PTPN21: variants seen among roughly 807,000 people sequenced by gnomAD.
PTPN21 encodes protein tyrosine phosphatase non-receptor type 21.
Under a neutral mutation model 131.8 loss-of-function variants are expected in PTPN21, and 77 were observed. That is an observed-to-expected ratio of 0.58 (90% CI 0.49 to 0.71). The LOEUF (loss-of-function observed/expected upper bound fraction) is 0.71. Ranked by LOEUF, PTPN21 falls within the 30% of genes least tolerant of loss-of-function variation. PTPN21 has a pLI of 0.00. For missense variants in PTPN21, 1,552 were observed against 1,527.1 expected, an observed-to-expected ratio of 1.02 and a Z score of -0.27; for synonymous variants, 715 against 621.3, an observed-to-expected ratio of 1.15 and a Z score of -2.24.
intron 2 of PTPN21, chr14:88,547,770 A>C (rs1754438493): frequency 2.3e-6 from 1 of 427,972 alleles, no homozygotes; most frequent in Non-Finnish European, 4.7e-6. Flanking sequence ...CCCCTCCTCT[A>C]ATCTACCATG....
At chr14:88,526,928 T>A (rs1429440081) in intron 2 of PTPN21, among the ~76,000 whole-genome samples, 1 of 152,220 alleles carries the variant, frequency 6.6e-6, no homozygotes, top group Non-Finnish European at 1.5e-5. Flanking sequence ...ATTCCTGAGT[T>A]ATTCACTTAG....
At position 88,466,632 on chromosome 14, in the gene PTPN21, G is replaced by C. The variant is rs17124714; in HGVS notation, c.*1505C>G. 4,675 of 152,260 alleles carry C rather than the reference G, an allele frequency of 0.031. 257 individuals carry two copies. The highest frequency in any genetic ancestry group is 0.28 in the East Asian group (1,435 of 5,162). 9.4% of individuals were successfully genotyped at this position (152,260 alleles called of 1,614,324 possible). A position where few individuals can be genotyped will look rare whatever the true frequency, so the allele number is the denominator to read the frequency against. ...TCCCACTCATCCATGCCTACTCAGCGGTCACTGTGACAAGGCCATCTTAAT... is the reference window on the plus strand; with the variant it reads ...TCCCACTCATCCATGCCTACTCAGCCGTCACTGTGACAAGGCCATCTTAAT... On this transcript the variant is annotated 3_prime_UTR_variant, in exon 19 of 19. Coordinates refer to ENST00000556564, the MANE Select transcript of PTPN21 (RefSeq NM_007039.4).
intron 10 of PTPN21, among the ~76,000 whole-genome samples, chr14:88,489,881 G>T (rs746667591): frequency 5.3e-5 from 8 of 152,036 alleles, no homozygotes; most frequent in Non-Finnish European, 1.0e-4. Context: ...CCCCGCCTTA[G>T]GTGTAGCTTC....
At chr14:88,533,312 C>T (rs1453653956) in intron 2 of PTPN21, among the ~76,000 whole-genome samples, 3 of 152,106 alleles carry the variant, frequency 2.0e-5, no homozygotes, top group Admixed American at 1.3e-4. Context: ...TTTTAGTCAA[C>T]GACAGACCAC....
chr14:88,498,686 G>C (rs949087851), intron 8 of PTPN21, among the ~76,000 whole-genome samples: 1 of 152,150 alleles, frequency 6.6e-6, no homozygotes, highest in East Asian at 1.9e-4. Flanking sequence ...GCACAAAAGT[G>C]GGGGAGGTGT....
intron 13 of PTPN21, among the ~76,000 whole-genome samples, chr14:88,475,523 A>G (rs2077536530): frequency 6.6e-6 from 1 of 152,212 alleles, no homozygotes; most frequent in East Asian, 1.9e-4. Flanking sequence ...ACCTAGACAG[A>G]AAGAGACAGA....
chr14:88,502,621 C>T (rs2078027558), intron 6 of PTPN21, among the ~76,000 whole-genome samples: 1 of 152,096 alleles, frequency 6.6e-6, no homozygotes, highest in African/African-American at 2.4e-5. Flanking sequence ...AGAATAAGAA[C>T]ACTAAGCTAT....
rs116844740 is a variant in PTPN21, at chr14:88,469,683, C to T, written c.3051G>A (p.Arg1017=). 7.9e-3 allele frequency: 12,762 copies of T among 1,614,138 alleles called. 69 individuals carry two copies. The highest frequency in any genetic ancestry group is 9.2e-3 in the Non-Finnish European group (10,849 of 1,180,024). The change falls in exon 17 of 19, where the codon AGG becomes AGA. Residue 1017 remains arginine, a synonymous_variant. Coordinates refer to ENST00000556564, the MANE Select transcript of PTPN21 (RefSeq NM_007039.4). The surrounding 1 kb of genome is among the most constrained non-coding windows in gnomAD (Gnocchi z 4.3). ...SFRYWPRLGS[R]HNTVTYGRFK... is the part of the protein sequence containing the mutation. ...ACCTTCCATAGGTGACAGTGTTGTG[C>T]CTGGAACCAAGTCGTGGCCAGTACC... is the stretch of plus-strand genomic sequence containing the variant.
At chr14:88,470,956 T>C (rs986011567) in intron 15 of PTPN21, among the ~76,000 whole-genome samples, 15 of 152,306 alleles carry the variant, frequency 9.8e-5, no homozygotes, top group Admixed American at 9.2e-4. Flanking sequence ...TCAAATTCTT[T>C]CCTCTATTCT....
At chr14:88,478,531 A>AC (rs2077579983) in intron 13 of PTPN21, among the ~76,000 whole-genome samples, 1 of 152,138 alleles carries the variant, frequency 6.6e-6, no homozygotes, top group South Asian at 2.1e-4. Flanking sequence ...AAACAAATGC[A>AC]CCCCTGGGGT....
rs1487702331 is a variant in PTPN21, at chr14:88,469,654, T to C, written c.3080A>G (p.Lys1027Arg). 1 of 1,614,068 alleles carries C rather than the reference T, an allele frequency of 6.2e-7. No homozygotes were observed. The highest frequency in any genetic ancestry group is 1.7e-5 in the Admixed American group (1 of 60,000). ...RHNTVTYGRFKITTRFRTDSG... is the reference protein window; with the variant it reads ...RHNTVTYGRFRITTRFRTDSG... ...GTCTGTGCGGAACCGGGTCGTGATC[T>C]TAAACCTTCCATAGGTGACAGTGTT... Residue 1027 changes from lysine to arginine, a missense_variant, in exon 17 of 19, where the codon AAG becomes AGG. By Grantham distance (26) the Lys-to-Arg change is conservative (BLOSUM62 2). Coordinates refer to ENST00000556564, the MANE Select transcript of PTPN21 (RefSeq NM_007039.4). This position sits in a 1 kb window ranked among gnomAD's most constrained non-coding sequence, Gnocchi z 4.3.
intron 1 of PTPN21, 24 bp from the exon 2 acceptor site, chr14:88,550,643 G>A (rs912915421): frequency 2.1e-6 from 1 of 476,724 alleles, no homozygotes; most frequent in South Asian, 3.4e-5. Context: ...AACGCCGTTA[G>A]TTAAGCAAAC....
chr14:88,525,717 T>C (rs759516904), intron 2 of PTPN21, among the ~76,000 whole-genome samples: 9 of 151,994 alleles, frequency 5.9e-5, no homozygotes, highest in Admixed American at 1.3e-4. Flanking sequence ...CCAAAAGAAC[T>C]GAAAAACAGG....
intron 14 of PTPN21, among the ~76,000 whole-genome samples, chr14:88,473,376 T>G (rs1485972158): frequency 6.6e-6 from 1 of 152,186 alleles, no homozygotes; most frequent in African/African-American, 2.4e-5. Flanking sequence ...TGTAGATTTC[T>G]TCTCACTTTA....
Position 88,479,457 on chromosome 14 carries a change from G to C in PTPN21, c.1974C>G (p.Ser658=). The change falls in exon 13 of 19, where the codon TCC becomes TCG. Residue 658 remains serine, a synonymous_variant. Transcript: ENST00000556564. ...GCGGCGCCACCTCTGCCGCCGACGC[G>C]GATAGGGTGCGCTCCTTGAGCCGCA... ...EGLRLKERTL[S]ASAAEVAPRA... is the part of the protein sequence containing the mutation. 1 of 1,602,608 alleles carries C rather than the reference G, an allele frequency of 6.2e-7. No individual in the cohort carries two copies. Among genetic ancestry groups the C allele is most frequent in the East Asian group, 2.2e-5 (1 of 44,788 alleles).
chr14:88,536,159 G>A (rs2078628406), intron 2 of PTPN21, among the ~76,000 whole-genome samples: 1 of 152,168 alleles, frequency 6.6e-6, no homozygotes, highest in Admixed American at 6.5e-5. Flanking sequence ...GCATCCCCTA[G>A]ATCAATTCTC....
At position 88,496,546 on chromosome 14, in the gene PTPN21, C is replaced by G. The variant is rs2077920504; in HGVS notation, c.853-54G>C. 3 of 1,332,618 alleles carry G rather than the reference C, an allele frequency of 2.3e-6. 1 individual carries two copies. In the East Asian group the frequency reaches 6.9e-5, roughly 31 times the overall value. 82.5% of individuals were successfully genotyped at this position (1,332,618 alleles called of 1,614,324 possible). A position where few individuals can be genotyped will look rare whatever the true frequency, so the allele number is the denominator to read the frequency against. On this transcript the variant is annotated intron_variant, in intron 9 of 18. Transcript: ENST00000556564. The stretch of plus-strand genomic sequence containing the variant: ...ATGAAAGCACACATACAACTTGATA[C>G]GTTTAATGCAGAGTTTGTCTAAAGA...
At chr14:88,547,694 G>T (rs1373023031) in intron 2 of PTPN21, 1 of 454,958 alleles carries the variant, frequency 2.2e-6, no homozygotes, top group Non-Finnish European at 4.4e-6. Context: ...TGGTTACTGA[G>T]GCCTGCTGTT....
chr14:88,533,247 A>C (rs2139342638), intron 2 of PTPN21, among the ~76,000 whole-genome samples: 1 of 152,258 alleles, frequency 6.6e-6, no homozygotes, highest in East Asian at 1.9e-4. Flanking sequence ...TTGTTTTTTG[A>C]AAGGTTTAAC....
Sources: gnomAD v4.1 joint callset for allele counts (sites outside exome capture counted in the v4.1 genomes callset) on GRCh38, gnomAD v4.1.1 for gene constraint, Gnocchi (gnomAD v3.1) non-coding constraint, MANE v1.5 for transcripts, NCBI Gene and HGNC (gene_info 2026-07-23, HGNC 2026-07-21) for gene names.